Variants in CD109 observed in about 807,000 individuals in gnomAD.
CD109 encodes the protein CD109 antigen.
A neutral mutation model predicts 165.8 loss-of-function variants in CD109; 149 were observed. The ratio of observed to expected loss-of-function variants is 0.90; its 90% CI spans 0.79 to 1.03. The LOEUF is 1.03. CD109 is among the 50% of genes least tolerant of loss of function. The pLI, the probability that CD109 is intolerant of heterozygous loss-of-function variation, is 0.00. For synonymous variants in CD109, 585 were observed against 592.1 expected (o/e 0.99, Z 0.18); for missense variants, 1,712 against 1,677.8 (o/e 1.02, Z -0.36).
chr6:73,695,887 G>A (rs1372797542), upstream of CD109: 3 of 364,756 alleles, frequency 8.2e-6, 1 homozygote, highest in South Asian at 4.8e-5. Flanking sequence ...CCGGTGGGCC[G>A]GGGAAGTGGG....
At chr6:73,705,663 G>C (rs983062555) in intron 2 of CD109, among the ~76,000 whole-genome samples, 1 of 151,996 alleles carries the variant, frequency 6.6e-6, no homozygotes, top group African/African-American at 2.4e-5. Context: ...GAATAGAATA[G>C]ACAACGAGCA....
At chr6:73,758,473 C>T (rs1773485513) in intron 6 of CD109, among the ~76,000 whole-genome samples, 1 of 152,064 alleles carries the variant, frequency 6.6e-6, no homozygotes, top group African/African-American at 2.4e-5. Flanking sequence ...GCAACCACTG[C>T]CTCCTGGGTT....
the CD109 span, among the ~76,000 whole-genome samples, chr6:73,685,392 G>A: frequency 6.6e-6 from 1 of 151,666 alleles, no homozygotes; most frequent in African/African-American, 2.4e-5. Flanking sequence ...AATCCCAGTT[G>A]TCTATTTTTG....
At chr6:73,696,129 A>T (rs866335313), upstream of CD109, 24 of 1,314,054 alleles carry the variant, frequency 1.8e-5, no homozygotes, top group Middle Eastern at 1.8e-4. Context: ...GAGGGAAAAA[A>T]AATCAGGGAG....
intron 30 of CD109, 146 bp downstream of exon 30, chr6:73,815,269 A>C: frequency 1.8e-6 from 1 of 548,288 alleles, no homozygotes; most frequent in South Asian, 3.5e-5. Context: ...ACAAACTAGA[A>C]ATACTACTAA....
At chr6:73,814,624 A>G (rs1562086496) in intron 29 of CD109, among the ~76,000 whole-genome samples, 1 of 152,192 alleles carries the variant, frequency 6.6e-6, no homozygotes, top group African/African-American at 2.4e-5. Context: ...AAATGACTCC[A>G]TTTGGGCAAC....
At chr6:73,699,963 TG>T (rs1297137977) in intron 2 of CD109, among the ~76,000 whole-genome samples, 4 of 152,208 alleles carry the variant, frequency 2.6e-5, no homozygotes, top group African/African-American at 9.6e-5. Context: ...CTTCTCCAGT[TG>T]TAACAATATG....
At chr6:73,689,832 T>C in the CD109 span, among the ~76,000 whole-genome samples, 1 of 152,200 alleles carries the variant, frequency 6.6e-6, no homozygotes, top group Non-Finnish European at 1.5e-5. Flanking sequence ...AAATTTATTG[T>C]CAATTATTAT....
chr6:73,722,530 G>A (rs1399353000), intron 2 of CD109, among the ~76,000 whole-genome samples: 7 of 152,176 alleles, frequency 4.6e-5, no homozygotes, highest in African/African-American at 1.7e-4. Flanking sequence ...GCTTCCTGGA[G>A]GAGAGGGACC....
intron 5 of CD109, among the ~76,000 whole-genome samples, chr6:73,751,188 A>G (rs145986533): frequency 6.6e-6 from 1 of 152,316 alleles, no homozygotes; most frequent in African/African-American, 2.4e-5. Context: ...AAAAATGTCA[A>G]TTTAATATGG....
chr6:73,703,192 C>T (rs1771144406), intron 2 of CD109, among the ~76,000 whole-genome samples: 1 of 152,168 alleles, frequency 6.6e-6, no homozygotes, highest in South Asian at 2.1e-4. Flanking sequence ...ATAAGGTTTT[C>T]TATTGCTGGG....
intron 5 of CD109, among the ~76,000 whole-genome samples, chr6:73,742,621 T>G (rs775239297): frequency 3.9e-5 from 6 of 152,238 alleles, no homozygotes; most frequent in Non-Finnish European, 8.8e-5. Flanking sequence ...AAGAAGAGCC[T>G]GAGTCACTGA....
intron 2 of CD109, among the ~76,000 whole-genome samples, chr6:73,708,390 G>T (rs1771385499): frequency 6.6e-6 from 1 of 152,136 alleles, no homozygotes; most frequent in African/African-American, 2.4e-5. Context: ...TCTTAATCCA[G>T]TCTGTTGTTG....
intron 29 of CD109, 79 bp downstream of exon 29, chr6:73,812,349 T>C: frequency 2.2e-6 from 2 of 888,942 alleles, no homozygotes; most frequent in Non-Finnish European, 3.5e-6. Flanking sequence ...TATTAAATCT[T>C]AGATAACTTG....
At chr6:73,696,016 T>C (rs1770809264), upstream of CD109, 2 of 543,840 alleles carry the variant, frequency 3.7e-6, no homozygotes, top group Non-Finnish European at 6.5e-6. Context: ...GAAGCGCCAT[T>C]GTAATGGGGA....
intron 2 of CD109, among the ~76,000 whole-genome samples, chr6:73,715,416 T>C (rs1489948786): frequency 1.3e-5 from 2 of 151,348 alleles, no homozygotes; most frequent in Non-Finnish European, 2.9e-5. Context: ...GTAAAAAAAA[T>C]TAGCCAGGCA....
intron 2 of CD109, among the ~76,000 whole-genome samples, chr6:73,704,179 C>CAA (rs58505053): frequency 0.011 from 876 of 79,224 alleles, 14 homozygotes; most frequent in East Asian, 0.1. Flanking sequence ...GACTCCATCT[C>CAA]AAAAAAAAAA....
At chr6:73,774,965 A>G (rs894769990) in intron 15 of CD109, among the ~76,000 whole-genome samples, 4 of 149,650 alleles carry the variant, frequency 2.7e-5, no homozygotes, top group African/African-American at 9.9e-5. Flanking sequence ...TTAAATTTAT[A>G]TGTGTTGTCA....
chr6:73,789,789 CTT>C (rs1774852836), intron 22 of CD109, among the ~76,000 whole-genome samples: 1 of 124,818 alleles, frequency 8.0e-6, no homozygotes, highest in Non-Finnish European at 1.6e-5. Context: ...TTGATGGAGT[CTT>C]GCTCTGTCTC....
Sources: gnomAD v4.1 joint callset for allele counts (sites outside exome capture counted in the v4.1 genomes callset) on GRCh38, gnomAD v4.1.1 for gene constraint, MANE v1.5 for transcripts, NCBI Gene and HGNC (gene_info 2026-07-23, HGNC 2026-07-21) for gene names.